The following RNF40 variants were observed in gnomAD, a reference collection of about 807,000 sequenced individuals.
The protein encoded by RNF40 is ring finger protein 40.
RNF40 carries 39 observed loss-of-function variants against 123.3 expected under a neutral mutation model. The ratio of observed to expected loss-of-function variants is 0.32; its 90% CI spans 0.24 to 0.41. The LOEUF is 0.41. RNF40 is among the 10% of genes least tolerant of loss of function. The pLI is 1.00. For missense variants in RNF40, 1,003 were observed against 1,319.9 expected (o/e 0.76, Z 3.72); for synonymous variants, 538 against 526.0 (o/e 1.02, Z -0.31).
In RNF40 at chr16:30,767,653, A is replaced by C. The variant is rs1006994812; in HGVS notation, c.1430-241A>C. ...GACACTGTTTCTATTTAAAAAAAAA[A>C]CAAAAAACCCCACATATTCTATATT... On this transcript the variant is annotated intron_variant, in intron 11 of 19. Coordinates refer to ENST00000324685, the MANE Select transcript of RNF40 (RefSeq NM_014771.4). 6.3e-5 allele frequency: 28 copies of C among 441,662 alleles called. No individual in the cohort carries two copies. The Admixed American group carries it at 8.4e-4, about 13-fold the overall frequency. 27.4% of individuals were successfully genotyped at this position (441,662 alleles called of 1,614,324 possible). A position where few individuals can be genotyped will look rare whatever the true frequency, so the allele number is the denominator to read the frequency against.
chr16:30,767,666 C>T (rs1000363318), intron 11 of RNF40: 2 of 488,670 alleles, frequency 4.1e-6, no homozygotes, highest in Non-Finnish European at 7.2e-6. Context: ...AAAAACCCCA[C>T]ATATTCTATA....
At chr16:30,770,302 G>C (rs1040004641) in intron 17 of RNF40, among the ~76,000 whole-genome samples, 1 of 151,776 alleles carries the variant, frequency 6.6e-6, no homozygotes, top group Non-Finnish European at 1.5e-5. Flanking sequence ...AGTAGAGACA[G>C]GGTTTCGCCA....
At chr16:30,771,454 A>G (rs2054146497) in intron 17 of RNF40, among the ~76,000 whole-genome samples, 1 of 151,922 alleles carries the variant, frequency 6.6e-6, no homozygotes, top group African/African-American at 2.4e-5. Context: ...CATCTCTACT[A>G]AAAATACAAA....
chr16:30,766,928 C>T lies in RNF40; in HGVS notation c.1429+52C>T. Reference sequence around the variant, plus strand: ...GGGGCCTTATCTGGGAGTGCTGGGCCCTGGTGTGGGGCTGCTGCTTATCCA... The same window carrying T: ...GGGGCCTTATCTGGGAGTGCTGGGCTCTGGTGTGGGGCTGCTGCTTATCCA... On this transcript the variant is annotated intron_variant, in intron 11 of 19. Coordinates refer to ENST00000324685, the MANE Select transcript of RNF40 (RefSeq NM_014771.4). The surrounding 1 kb of genome is among the most constrained non-coding windows in gnomAD (Gnocchi z 5.4). 1.3e-6 allele frequency: 2 copies of T among 1,595,200 alleles called. No individual in the cohort carries two copies. Among genetic ancestry groups the T allele is most frequent in the East Asian group, 2.2e-5 (1 of 44,550 alleles).
Position 30,767,906 on chromosome 16 carries a change from G to T in RNF40, c.1442G>T (p.Arg481Leu). The change falls in exon 12 of 20, where the codon CGT becomes CTT. Residue 481 changes from arginine to leucine, a missense_variant. By Grantham distance (102) the Arg-to-Leu change is moderately radical. Transcript: ENST00000324685. ...GATGCTCCTCCAGGGCCCATCAACCGTGAGATGCGCCACCTGATTAGTAGT... is the reference window on the plus strand; with the variant it reads ...GATGCTCCTCCAGGGCCCATCAACCTTGAGATGCGCCACCTGATTAGTAGT... ...AANEQAGPIN[R>L]EMRHLISSLQ... 6.2e-7 allele frequency: 1 copy of T among 1,614,116 alleles called. No individual in the cohort carries two copies. The highest frequency in any genetic ancestry group is 8.5e-7 in the Non-Finnish European group (1 of 1,180,036).
intron 4 of RNF40, among the ~76,000 whole-genome samples, chr16:30,763,818 C>A (rs1411120515): frequency 6.6e-6 from 1 of 152,210 alleles, no homozygotes; most frequent in Non-Finnish European, 1.5e-5. Context: ...GTATTTGACG[C>A]TTCCTAGAAA....
rs368844573 is a variant in RNF40 at position 30,775,224 on chromosome 16, T to C, written c.*1110T>C. On this transcript the variant is annotated 3_prime_UTR_variant, in exon 20 of 20. Transcript: ENST00000324685. The stretch of plus-strand genomic sequence containing the variant: ...GCCAGGCCGCGCACCCCAAATGTAG[T>C]CCCCCGATTTTAGCTGCAGCAGCTG... 15 of 337,218 alleles carry C rather than the reference T, an allele frequency of 4.4e-5. No individual in the cohort carries two copies. The highest frequency in any genetic ancestry group is 3.1e-4 in the South Asian group (14 of 44,992). The allele number at this position is 337,218 out of a possible 1,614,324, so 20.9% of individuals were successfully genotyped here. A position where few individuals can be genotyped will look rare whatever the true frequency, so the allele number is the denominator to read the frequency against.
rs2054036636 is a variant in RNF40, at chr16:30,766,602, C to G, written c.1293+44C>G. The G allele has an allele frequency of 6.3e-7, 1 of 1,586,386 alleles. No individual in the cohort carries two copies. Among genetic ancestry groups the G allele is most frequent in the Non-Finnish European group, 8.6e-7 (1 of 1,164,198 alleles). On this transcript the variant is annotated intron_variant, in intron 10 of 19. Transcript: ENST00000324685. This position sits in a 1 kb window ranked among gnomAD's most constrained non-coding sequence, Gnocchi z 5.4. ...CGTTAGGGCTGGGCTAAGGGCCAAA[C>G]CGTTAGTGTTGACGTGTTTGTGCCT...
At position 30,766,978 on chromosome 16, in the gene RNF40, T is replaced by G. The variant is rs2054045171; in HGVS notation, c.1429+102T>G. 1.4e-6 allele frequency: 2 copies of G among 1,423,636 alleles called. No individual in the cohort carries two copies. The highest frequency in any genetic ancestry group is 1.9e-6 in the Non-Finnish European group (2 of 1,060,956). The allele number at this position is 1,423,636 out of a possible 1,614,324, so 88.2% of individuals were successfully genotyped here. A position where few individuals can be genotyped will look rare whatever the true frequency, so the allele number is the denominator to read the frequency against. Reference sequence around the variant, plus strand: ...AGATGCAAGAGGCTAAGGCCTTTTTTTTCACAGAGCCTCGGCTTCCTATGC... The same window carrying G: ...AGATGCAAGAGGCTAAGGCCTTTTTGTTCACAGAGCCTCGGCTTCCTATGC... On this transcript the variant is annotated intron_variant, in intron 11 of 19. Coordinates refer to ENST00000324685, the MANE Select transcript of RNF40 (RefSeq NM_014771.4). The surrounding 1 kb of genome is among the most constrained non-coding windows in gnomAD (Gnocchi z 5.4).
chr16:30,763,108 C>T lies in RNF40; in HGVS notation c.133-10C>T, dbSNP rs545247413. The T allele has an allele frequency of 3.2e-5, 51 of 1,613,332 alleles. No homozygotes were observed. In the Middle Eastern group the frequency reaches 9.9e-4, roughly 31 times the overall value. ...GACGCTCTCGTCGGCCCCTTTGTTT[C>T]CTTTGGTAGGAGGAGATGGACCTGA... On this transcript the variant is annotated splice_polypyrimidine_tract_variant and intron_variant, in intron 2 of 19. Coordinates refer to ENST00000324685, the MANE Select transcript of RNF40 (RefSeq NM_014771.4).
Position 30,763,425 on chromosome 16 carries a change from A to G in RNF40, c.308A>G (p.Glu103Gly). The G allele has an allele frequency of 6.2e-7, 1 of 1,605,444 alleles. No individual in the cohort carries two copies. The highest frequency in any genetic ancestry group is 8.5e-7 in the Non-Finnish European group (1 of 1,175,820). The change falls in exon 4 of 20, where the codon GAA becomes GGA. Residue 103 changes from glutamate to glycine, a missense_variant. By Grantham distance (98) the Glu-to-Gly change is moderately conservative. Coordinates refer to ENST00000324685, the MANE Select transcript of RNF40 (RefSeq NM_014771.4). Reference sequence around the variant, plus strand: ...GATGTTTTCTCCTTCCAGCTGGATGAAACTGTGGAAGCCCTTCTCCGATGC... The same window carrying G: ...GATGTTTTCTCCTTCCAGCTGGATGGAACTGTGGAAGCCCTTCTCCGATGC... Reference protein sequence around the residue: ...IVNRYWAQLDETVEALLRCHE... With the variant: ...IVNRYWAQLDGTVEALLRCHE...
At chr16:30,770,060 C>T (rs1251139752) in intron 17 of RNF40, among the ~76,000 whole-genome samples, 5 of 149,538 alleles carry the variant, frequency 3.3e-5, no homozygotes, top group Non-Finnish European at 5.9e-5. Context: ...TATGATCGCA[C>T]TGCACTGCAG....
In RNF40 at chr16:30,772,599, G is replaced by A. The variant is rs146456322; in HGVS notation, c.2829+409G>A. Among the ~76,000 whole-genome samples, 183 of 152,350 alleles carry A rather than the reference G, an allele frequency of 1.2e-3. 4 individuals carry two copies. The highest frequency in any genetic ancestry group is 4.1e-3 in the African/African-American group (169 of 41,578). ...AGCAGACCTGAAGAATAGGCCAGAC[G>A]TGGCTGTGAGGAACGGGAGTGAGTA... On this transcript the variant is annotated intron_variant, in intron 19 of 19. Transcript: ENST00000324685.
chr16:30,768,818 T>C lies in RNF40; in HGVS notation c.2098-20T>C, dbSNP rs1214112953. ...AGCAGGAAGCAGTGTCAAGAGAGTT[T>C]CTTCTTCCCTGTGCTATAGGTTGAT... On this transcript the variant is annotated intron_variant, in intron 14 of 19. Coordinates refer to ENST00000324685, the MANE Select transcript of RNF40 (RefSeq NM_014771.4). The surrounding 1 kb of genome is among the most constrained non-coding windows in gnomAD (Gnocchi z 4.1). 1.9e-6 allele frequency: 3 copies of C among 1,614,048 alleles called. No homozygotes were observed. In the African/African-American group the frequency reaches 4.0e-5, roughly 22 times the overall value.
At position 30,774,599 on chromosome 16, in the gene RNF40, C is replaced by A; in HGVS notation, c.*485C>A. ...AGACTTTCCTTCACCCACCATCCCC[C>A]TAACCTCGGCAGGGCTTCTGTCCTG... On this transcript the variant is annotated 3_prime_UTR_variant, in exon 20 of 20. Transcript: ENST00000324685. 4.4e-6 allele frequency: 1 copy of A among 228,328 alleles called. No individual in the cohort carries two copies. Among genetic ancestry groups the A allele is most frequent in the South Asian group, 5.8e-5 (1 of 17,292 alleles). The allele number at this position is 228,328 out of a possible 1,614,324, so 14.1% of individuals were successfully genotyped here. A position where few individuals can be genotyped will look rare whatever the true frequency, so the allele number is the denominator to read the frequency against.
chr16:30,763,312 A>G (rs2053930899), intron 3 of RNF40, 27 bp downstream of exon 3: 2 of 1,611,806 alleles, frequency 1.2e-6, no homozygotes, highest in Non-Finnish European at 1.7e-6. Flanking sequence ...TTCAAAGACC[A>G]GGCCTTGATT....
In RNF40 at chr16:30,771,891, C is replaced by G. The variant is rs140097440; in HGVS notation, c.2645C>G (p.Thr882Ser). 1.9e-6 allele frequency: 3 copies of G among 1,609,836 alleles called. No individual in the cohort carries two copies. The highest frequency in any genetic ancestry group is 2.5e-6 in the Non-Finnish European group (3 of 1,177,614). Residue 882 changes from threonine (T) to serine (S), a missense_variant, in exon 18 of 20, where the codon ACT becomes AGT. Thr to Ser is a moderately conservative substitution (Grantham distance 58, BLOSUM62 1). Transcript: ENST00000324685. The part of the protein sequence containing the change: ...DLKVQLEHVQ[T>S]RLREIQPCLA... Reference sequence around the variant, plus strand: ...AAGGTGCAGCTGGAGCACGTGCAGACTCGGCTGCGGGAGATCCAGCCCTGC... The same window carrying G: ...AAGGTGCAGCTGGAGCACGTGCAGAGTCGGCTGCGGGAGATCCAGCCCTGC...
At chr16:30,763,848 A>C (rs1398766636) in intron 4 of RNF40, among the ~76,000 whole-genome samples, 1 of 152,188 alleles carries the variant, frequency 6.6e-6, no homozygotes, top group African/African-American at 2.4e-5. Flanking sequence ...CACTTGCTAT[A>C]AGGGAGGAAA....
chr16:30,766,961 G>A lies in RNF40; in HGVS notation c.1429+85G>A. The stretch of plus-strand genomic sequence containing the variant: ...GGGGCTGCTGCTTATCCAGATGCAA[G>A]AGGCTAAGGCCTTTTTTTTCACAGA... On this transcript the variant is annotated intron_variant, in intron 11 of 19. Transcript: ENST00000324685. The surrounding 1 kb of genome is among the most constrained non-coding windows in gnomAD (Gnocchi z 5.4). The A allele has an allele frequency of 6.6e-7, 1 of 1,518,780 alleles. No homozygotes were observed. The highest frequency in any genetic ancestry group is 8.9e-7 in the Non-Finnish European group (1 of 1,124,806). 94.1% of individuals were successfully genotyped at this position (1,518,780 alleles called of 1,614,324 possible). A position where few individuals can be genotyped will look rare whatever the true frequency, so the allele number is the denominator to read the frequency against.
Sources: gnomAD v4.1 joint callset for allele counts (sites outside exome capture counted in the v4.1 genomes callset) on GRCh38, gnomAD v4.1.1 for gene constraint, Gnocchi (gnomAD v3.1) non-coding constraint, MANE v1.5 for transcripts, NCBI Gene and HGNC (gene_info 2026-07-23, HGNC 2026-07-21) for gene names.